The following KCNQ3 variants were observed in gnomAD, a reference collection of about 807,000 sequenced individuals.
The protein encoded by KCNQ3 is potassium voltage-gated channel subfamily Q member 3, also known as potassium voltage-gated channel subfamily KQT member 3.
In KCNQ3, 30 loss-of-function variants were observed where a neutral mutation model predicts 92.5. That is an observed-to-expected ratio of 0.32 (90% CI 0.24 to 0.44). The LOEUF is 0.44. KCNQ3 is among the 20% of genes least tolerant of loss of function. The probability of loss-of-function intolerance (pLI) is 1.00; values close to 1 mark genes in which losing one functional copy is unlikely to be tolerated. For synonymous variants in KCNQ3, 450 were observed against 468.8 expected (o/e 0.96, Z 0.52); for missense variants, 913 against 1,140.3 (o/e 0.80, Z 2.87).
At chr8:132,136,231 G>C (rs759045503) in intron 12 of KCNQ3, among the ~76,000 whole-genome samples, 2 of 150,594 alleles carry the variant, frequency 1.3e-5, no homozygotes, top group South Asian at 2.1e-4. Flanking sequence ...TGATGTTCCT[G>C]TTCTCTAGCA....
At chr8:132,370,968 C>T (rs1252773540) in intron 1 of KCNQ3, among the ~76,000 whole-genome samples, 1 of 152,132 alleles carries the variant, frequency 6.6e-6, no homozygotes, top group East Asian at 1.9e-4. Flanking sequence ...AAAGCAGGGG[C>T]CAGAACTCCT....
chr8:132,354,944 T>C (rs565139303), intron 1 of KCNQ3, among the ~76,000 whole-genome samples: 2 of 152,268 alleles, frequency 1.3e-5, no homozygotes, highest in East Asian at 1.9e-4. Context: ...GCAGCCTTCC[T>C]AGATCATCAC....
intron 1 of KCNQ3, among the ~76,000 whole-genome samples, chr8:132,406,953 G>C (rs1049230656): frequency 5.3e-5 from 8 of 152,196 alleles, no homozygotes; most frequent in African/African-American, 1.9e-4. Flanking sequence ...GTGAAGAAGT[G>C]GAGGGGGAAG....
At chr8:132,284,737 C>T (rs1380215990) in intron 1 of KCNQ3, among the ~76,000 whole-genome samples, 2 of 152,172 alleles carry the variant, frequency 1.3e-5, no homozygotes, top group African/African-American at 4.8e-5. Flanking sequence ...TTTTTCCTCG[C>T]CAAAACTCAT....
At chr8:132,150,192 GC>G (rs1825593365) in intron 9 of KCNQ3, among the ~76,000 whole-genome samples, 1 of 152,086 alleles carries the variant, frequency 6.6e-6, no homozygotes, top group Admixed American at 6.5e-5. Context: ...TTAAGCTGTA[GC>G]CATTCTGGTG....
At chr8:132,261,791 G>A (rs1261600146) in intron 1 of KCNQ3, among the ~76,000 whole-genome samples, 2 of 152,196 alleles carry the variant, frequency 1.3e-5, no homozygotes, top group Admixed American at 1.3e-4. Flanking sequence ...CTTCTCTGCG[G>A]GTTTGCATCT....
At chr8:132,446,719 G>T (rs1427647779) in intron 1 of KCNQ3, among the ~76,000 whole-genome samples, 3 of 152,192 alleles carry the variant, frequency 2.0e-5, no homozygotes, top group Non-Finnish European at 4.4e-5. Context: ...TGTGAGGGAA[G>T]CAATGTATAT....
At chr8:132,226,620 C>T (rs1814429417) in intron 1 of KCNQ3, among the ~76,000 whole-genome samples, 1 of 152,064 alleles carries the variant, frequency 6.6e-6, no homozygotes, top group Non-Finnish European at 1.5e-5. Context: ...TATTAAGGAC[C>T]ATGCTATTTT....
intron 1 of KCNQ3, among the ~76,000 whole-genome samples, chr8:132,432,492 A>C (rs2130825786): frequency 6.6e-6 from 1 of 152,338 alleles, no homozygotes; most frequent in South Asian, 2.1e-4. Context: ...AAGGACATGC[A>C]CAATTTTCTG....
chr8:132,359,366 C>G (rs1019688740), intron 1 of KCNQ3, among the ~76,000 whole-genome samples: 2 of 152,184 alleles, frequency 1.3e-5, no homozygotes, highest in Admixed American at 1.3e-4. Flanking sequence ...CATGAGGCTC[C>G]TTGCTCCTTC....
chr8:132,207,662 T>C (rs1378792943), intron 1 of KCNQ3, among the ~76,000 whole-genome samples: 4 of 152,070 alleles, frequency 2.6e-5, no homozygotes, highest in Non-Finnish European at 4.4e-5. Flanking sequence ...GATATAAAAA[T>C]TGGTCCTCTC....
At chr8:132,439,037 C>T (rs1821463182) in intron 1 of KCNQ3, among the ~76,000 whole-genome samples, 2 of 150,754 alleles carry the variant, frequency 1.3e-5, no homozygotes, top group African/African-American at 4.9e-5. Context: ...AATCCTATAA[C>T]CCTGGATGAC....
intron 1 of KCNQ3, among the ~76,000 whole-genome samples, chr8:132,379,806 T>C (rs750588230): frequency 1.4e-4 from 22 of 152,130 alleles, no homozygotes; most frequent in Admixed American, 3.3e-4. Context: ...AAATTAAGTA[T>C]TTGCTAGTTG....
At chr8:132,479,209 T>C (rs1229394096) in intron 1 of KCNQ3, among the ~76,000 whole-genome samples, 1 of 152,014 alleles carries the variant, frequency 6.6e-6, no homozygotes, top group Non-Finnish European at 1.5e-5. Flanking sequence ...GGATTTTCCA[T>C]CCCCAGTGGC....
chr8:132,289,285 A>G (rs1816773739), intron 1 of KCNQ3, among the ~76,000 whole-genome samples: 1 of 152,210 alleles, frequency 6.6e-6, no homozygotes. Context: ...CTTCTCATAC[A>G]TCATTTATAT....
At chr8:132,335,181 C>G (rs939298942) in intron 1 of KCNQ3, among the ~76,000 whole-genome samples, 1 of 152,106 alleles carries the variant, frequency 6.6e-6, no homozygotes, top group Non-Finnish European at 1.5e-5. Flanking sequence ...GCTAGGACTA[C>G]AGGTGCGTGC....
intron 8 of KCNQ3, among the ~76,000 whole-genome samples, chr8:132,169,615 G>C (rs920771687): frequency 6.6e-6 from 1 of 152,128 alleles, no homozygotes; most frequent in Non-Finnish European, 1.5e-5. Context: ...GAACATCCAA[G>C]ATTTCAGGGT....
intron 1 of KCNQ3, among the ~76,000 whole-genome samples, chr8:132,186,925 T>TGAGA: frequency 1.1e-5 from 1 of 89,914 alleles, no homozygotes; most frequent in Non-Finnish European, 2.2e-5. Flanking sequence ...TGTGTGTGTG[T>TGAGA]GTGTGTGTGA....
At chr8:132,337,722 C>T (rs547984324) in intron 1 of KCNQ3, among the ~76,000 whole-genome samples, 1 of 152,260 alleles carries the variant, frequency 6.6e-6, no homozygotes, top group African/African-American at 2.4e-5. Context: ...ACCATTGCTA[C>T]AGGAAAATGC....
Sources: allele counts gnomAD v4.1 joint callset (sites outside exome capture counted in the v4.1 genomes callset), GRCh38; gene constraint gnomAD v4.1.1; transcripts MANE v1.5; gene names NCBI Gene and HGNC (gene_info 2026-07-23, HGNC 2026-07-21).